The following RORA variants were observed in gnomAD, a reference collection of about 807,000 sequenced individuals.
RORA encodes the protein RAR related orphan receptor A.
Under a neutral mutation model 69.5 loss-of-function variants are expected in RORA, and 7 were observed. The observed-to-expected ratio is 0.10, with a 90% confidence interval of 0.06 to 0.19. The LOEUF is 0.19. RORA is among the 10% of genes least tolerant of loss of function. The probability of loss-of-function intolerance (pLI) is 1.00; values close to 1 mark genes in which losing one functional copy is unlikely to be tolerated. For missense variants in RORA, 457 were observed against 663.0 expected, an observed-to-expected ratio of 0.69 and a Z score of 3.41; for synonymous variants, 261 against 240.8, an observed-to-expected ratio of 1.08 and a Z score of -0.78.
intron 1 of RORA, among the ~76,000 whole-genome samples, chr15:60,691,125 G>T (rs1399797906): frequency 1.3e-5 from 2 of 151,884 alleles, no homozygotes; most frequent in East Asian, 1.9e-4. Context: ...TCTGTTTGTA[G>T]TTCCCTCTGC....
chr15:61,023,426 T>G (rs1895645096), intron 1 of RORA, among the ~76,000 whole-genome samples: 1 of 152,106 alleles, frequency 6.6e-6, no homozygotes, highest in African/African-American at 2.4e-5. Flanking sequence ...TCAGATCTCA[T>G]GAGACTTATT....
intron 1 of RORA, among the ~76,000 whole-genome samples, chr15:60,720,484 C>T (rs536023754): frequency 1.3e-5 from 2 of 152,194 alleles, no homozygotes; most frequent in African/African-American, 2.4e-5. Context: ...ATTTAACCAT[C>T]CTCATTGGTG....
At position 61,002,373 on chromosome 15, in the gene RORA, A is replaced by G. The variant is rs374189871; in HGVS notation, c.166+226680T>C. 3.7e-4 allele frequency among the ~76,000 whole-genome samples: 56 copies of G among 152,314 alleles called. 1 individual carries two copies. The South Asian group carries it at 0.01, about 28-fold the overall frequency. On this transcript the variant is annotated intron_variant, in intron 1 of 10. Coordinates refer to ENST00000335670, the MANE Select transcript of RORA (RefSeq NM_134261.3). ...AAGGCAAAAACCACATCCCACTGTG[A>G]TATCATCAGCCATATTTCTTCCACA...
intron 1 of RORA, among the ~76,000 whole-genome samples, chr15:60,718,515 G>T (rs1277212879): frequency 6.6e-6 from 1 of 152,238 alleles, no homozygotes; most frequent in Non-Finnish European, 1.5e-5. Flanking sequence ...CTAAATGAAT[G>T]AAAGGTATCC....
At chr15:60,934,467 T>TTTGTTGTTG (rs59877483) in intron 1 of RORA, among the ~76,000 whole-genome samples, 486 of 147,020 alleles carry the variant, frequency 3.3e-3, no homozygotes, top group Non-Finnish European at 4.3e-3. Context: ...GGCCCAAGAG[T>TTTGTTGTTG]TTGTTGTTGT....
intron 1 of RORA, among the ~76,000 whole-genome samples, chr15:60,809,168 G>GA (rs34785421): frequency 0.22 from 32,775 of 151,916 alleles, 4,264 homozygotes; most frequent in Non-Finnish European, 0.29. Context: ...AAAACCCATT[G>GA]AAAAAATAAA....
chr15:60,543,499 G>C (rs1366700949), intron 2 of RORA, among the ~76,000 whole-genome samples: 1 of 150,982 alleles, frequency 6.6e-6, no homozygotes, highest in Non-Finnish European at 1.5e-5. Flanking sequence ...TTTTTCTTTA[G>C]ACAGGGTCTC....
At chr15:60,907,358 A>G (rs1891574438) in intron 1 of RORA, among the ~76,000 whole-genome samples, 1 of 152,132 alleles carries the variant, frequency 6.6e-6, no homozygotes, top group African/African-American at 2.4e-5. Flanking sequence ...CACTTTCAAA[A>G]GTCAGTGGAA....
intron 1 of RORA, among the ~76,000 whole-genome samples, chr15:60,977,183 G>A (rs1393600140): frequency 6.6e-6 from 1 of 151,172 alleles, no homozygotes; most frequent in African/African-American, 2.4e-5. Context: ...CAAGATCACA[G>A]TGACTCAAAG....
At chr15:60,702,733 A>C (rs546057115) in intron 1 of RORA, among the ~76,000 whole-genome samples, 26 of 152,188 alleles carry the variant, frequency 1.7e-4, no homozygotes, top group Non-Finnish European at 2.6e-4. Context: ...GGTCCTAAAA[A>C]CGGTAGTTCC....
At chr15:60,851,278 C>A (rs11631055) in intron 1 of RORA, among the ~76,000 whole-genome samples, 1 of 152,278 alleles carries the variant, frequency 6.6e-6, no homozygotes, top group Admixed American at 6.5e-5. Flanking sequence ...TCTAAGATGA[C>A]AGCACCTTGT....
intron 1 of RORA, among the ~76,000 whole-genome samples, chr15:61,178,738 G>A (rs996624002): frequency 6.6e-6 from 1 of 152,116 alleles, no homozygotes; most frequent in Middle Eastern, 3.4e-3. Flanking sequence ...GAATAAACAG[G>A]TTGTGAGTTA....
intron 1 of RORA, among the ~76,000 whole-genome samples, chr15:61,158,378 A>G (rs901831270): frequency 1.3e-5 from 2 of 152,192 alleles, no homozygotes. Context: ...ACTTTCTAGA[A>G]CTGGCGGGGG....
intron 1 of RORA, among the ~76,000 whole-genome samples, chr15:61,035,059 T>C (rs1190472792): frequency 6.6e-6 from 1 of 152,224 alleles, no homozygotes; most frequent in Non-Finnish European, 1.5e-5. Flanking sequence ...AAACAGACCT[T>C]AATTAGCATT....
At chr15:60,947,858 A>T (rs1343248369) in intron 1 of RORA, among the ~76,000 whole-genome samples, 1 of 152,184 alleles carries the variant, frequency 6.6e-6, no homozygotes, top group Non-Finnish European at 1.5e-5. Context: ...CAGTAATGGC[A>T]TCATTAACAG....
intron 1 of RORA, among the ~76,000 whole-genome samples, chr15:61,148,832 C>A (rs2079373658): frequency 6.6e-6 from 1 of 151,976 alleles, no homozygotes; most frequent in Admixed American, 6.6e-5. Flanking sequence ...CCTAGGTGAC[C>A]TTTTACAGAG....
chr15:61,119,435 C>T (rs1207284780), intron 1 of RORA, among the ~76,000 whole-genome samples: 2 of 150,872 alleles, frequency 1.3e-5, no homozygotes, highest in South Asian at 4.2e-4. Flanking sequence ...TATATACACA[C>T]ACACAAATAT....
chr15:61,156,800 T>C (rs1181744491), intron 1 of RORA, among the ~76,000 whole-genome samples: 2 of 152,206 alleles, frequency 1.3e-5, no homozygotes, highest in Non-Finnish European at 2.9e-5. Context: ...GTCACACTTT[T>C]ATAACTTAGT....
chr15:60,501,196 G>T, intron 8 of RORA, 127 bp from the exon 9 acceptor site: 1 of 621,324 alleles, frequency 1.6e-6, no homozygotes, highest in Non-Finnish European at 2.9e-6. Context: ...ACATGGGGAA[G>T]GTGAAGAGAG....
Sources: gnomAD v4.1 joint callset for allele counts (sites outside exome capture counted in the v4.1 genomes callset) on GRCh38, gnomAD v4.1.1 for gene constraint, MANE v1.5 for transcripts, NCBI Gene and HGNC (gene_info 2026-07-23, HGNC 2026-07-21) for gene names.